The following TBXAS1 variants were observed in gnomAD, a reference collection of about 807,000 sequenced individuals.
The protein encoded by TBXAS1 is thromboxane A synthase 1, also known as thromboxane-A synthase.
A neutral mutation model predicts 60.7 loss-of-function variants in TBXAS1; 48 were observed. That is an observed-to-expected ratio of 0.79 (90% CI 0.63 to 1.01). The LOEUF is 1.01. TBXAS1 is among the 50% of genes least tolerant of loss of function. The pLI is 0.00. For synonymous variants in TBXAS1, 287 were observed against 269.7 expected (o/e 1.06, Z -0.63); for missense variants, 685 against 686.3 (o/e 1.00, Z 0.02).
At chr7:139,791,412 G>A (rs1237464607) in intron 4 of TBXAS1, among the ~76,000 whole-genome samples, 7 of 152,238 alleles carry the variant, frequency 4.6e-5, no homozygotes, top group East Asian at 1.9e-4. Context: ...AGATTTTTAC[G>A]GGCCAGGCCT....
At chr7:139,874,016 C>T (rs1476497543) in intron 2 of TBXAS1, among the ~76,000 whole-genome samples, 1 of 152,158 alleles carries the variant, frequency 6.6e-6, no homozygotes, top group African/African-American at 2.4e-5. Context: ...TCCTTTTCTG[C>T]CCCCACCTTC....
chr7:139,779,989 ACCT>A (rs1210603571), intron 1 of TBXAS1, among the ~76,000 whole-genome samples: 1 of 152,006 alleles, frequency 6.6e-6, no homozygotes, highest in African/African-American at 2.4e-5. Context: ...TGCCTGGCTC[ACCT>A]CCTCCACAAA....
chr7:139,823,899 G>A (rs540217751), intron 4 of TBXAS1, among the ~76,000 whole-genome samples: 6 of 152,298 alleles, frequency 3.9e-5, no homozygotes, highest in African/African-American at 1.4e-4. Context: ...TGGTGCTGAG[G>A]AAGCTCCATT....
intron 4 of TBXAS1, among the ~76,000 whole-genome samples, chr7:139,818,481 G>T (rs1798210542): frequency 6.6e-6 from 1 of 152,102 alleles, no homozygotes; most frequent in Admixed American, 6.5e-5. Context: ...AAAGTGCTAG[G>T]ATTATAGGTA....
At chr7:139,968,977 C>A (rs781125073) in intron 9 of TBXAS1, among the ~76,000 whole-genome samples, 4 of 152,202 alleles carry the variant, frequency 2.6e-5, no homozygotes, top group Non-Finnish European at 4.4e-5. Flanking sequence ...AAACCAACTT[C>A]TTTTCATATA....
chr7:139,798,664 T>G (rs1231976642), intron 4 of TBXAS1, among the ~76,000 whole-genome samples: 5 of 152,298 alleles, frequency 3.3e-5, no homozygotes, highest in Admixed American at 3.3e-4. Context: ...GATAAAGTTG[T>G]CTCATACCAA....
intron 5 of TBXAS1, among the ~76,000 whole-genome samples, chr7:139,936,701 C>G (rs1293341699): frequency 1.3e-5 from 2 of 152,202 alleles, no homozygotes; most frequent in African/African-American, 4.8e-5. Context: ...GCCAGGGTGG[C>G]CTAAGAATCT....
At chr7:139,899,998 T>C (rs866275513) in intron 3 of TBXAS1, among the ~76,000 whole-genome samples, 1 of 152,324 alleles carries the variant, frequency 6.6e-6, no homozygotes, top group African/African-American at 2.4e-5. Context: ...TCCTCATCCA[T>C]TTTCTATGAG....
chr7:139,962,430 C>T (rs559182495), intron 9 of TBXAS1, 197 bp downstream of exon 9: 2 of 632,180 alleles, frequency 3.2e-6, no homozygotes, highest in East Asian at 6.3e-5. Context: ...ATAACCACAA[C>T]AAAAAGACAA....
At chr7:139,973,377 C>A (rs1400418086) in intron 9 of TBXAS1, among the ~76,000 whole-genome samples, 1 of 152,132 alleles carries the variant, frequency 6.6e-6, no homozygotes, top group East Asian at 1.9e-4. Flanking sequence ...CCACTAATAG[C>A]CAATCGCTGG....
chr7:139,815,690 C>T (rs1447146712), intron 4 of TBXAS1, among the ~76,000 whole-genome samples: 1 of 152,156 alleles, frequency 6.6e-6, no homozygotes, highest in Non-Finnish European at 1.5e-5. Context: ...ATAAGGCAGA[C>T]ATTGACTCCA....
At position 139,988,170 on chromosome 7, in the gene TBXAS1, A is replaced by T. The variant is rs143695475; in HGVS notation, c.1135-18921A>T. On this transcript the variant is annotated intron_variant, in intron 9 of 12. Transcript: ENST00000448866. ...GTTTTAGCTTGCTTACTACATTTGA[A>T]TTAATTGCCAAACTTTTAAACTCAG... Among the ~76,000 whole-genome samples, 1,342 of 152,340 alleles carry T rather than the reference A, an allele frequency of 8.8e-3. 65 individuals carry two copies. Among genetic ancestry groups the T allele is most frequent in the Admixed American group, 0.08 (1,229 of 15,308 alleles).
chr7:139,935,118 T>C (rs898763411), intron 4 of TBXAS1, among the ~76,000 whole-genome samples: 2 of 152,214 alleles, frequency 1.3e-5, no homozygotes, highest in African/African-American at 2.4e-5. Context: ...TCAGCCTTAA[T>C]TACCTCTTCA....
intron 3 of TBXAS1, among the ~76,000 whole-genome samples, chr7:139,897,015 G>C (rs1804153228): frequency 6.6e-6 from 1 of 152,174 alleles, no homozygotes; most frequent in Non-Finnish European, 1.5e-5. Context: ...GACAGGGCCT[G>C]AAGCCAGTTG....
At chr7:139,826,076 A>G (rs1254479520), upstream of TBXAS1, among the ~76,000 whole-genome samples, 1 of 152,156 alleles carries the variant, frequency 6.6e-6, no homozygotes, top group Non-Finnish European at 1.5e-5. Flanking sequence ...TGTTATCCAC[A>G]GTCACTGCTC....
intron 3 of TBXAS1, among the ~76,000 whole-genome samples, chr7:139,909,708 T>C (rs551999889): frequency 6.6e-6 from 1 of 152,356 alleles, no homozygotes; most frequent in African/African-American, 2.4e-5. Context: ...TGAAAAGTTC[T>C]TGGTAAATAA....
At chr7:139,941,616 T>C (rs1176695426) in intron 5 of TBXAS1, among the ~76,000 whole-genome samples, 1 of 152,168 alleles carries the variant, frequency 6.6e-6, no homozygotes, top group African/African-American at 2.4e-5. Context: ...CAACTGACTT[T>C]TTGTTGTTGT....
At chr7:139,934,715 T>C (rs1233589310) in intron 4 of TBXAS1, among the ~76,000 whole-genome samples, 1 of 152,196 alleles carries the variant, frequency 6.6e-6, no homozygotes, top group Non-Finnish European at 1.5e-5. Flanking sequence ...TATCCTCACA[T>C]GGTCTTCCCT....
At chr7:139,911,342 A>G (rs1487946624) in intron 4 of TBXAS1, 21 bp downstream of exon 4, 11 of 1,589,000 alleles carry the variant, frequency 6.9e-6, no homozygotes, top group Non-Finnish European at 8.6e-6. Flanking sequence ...TTCTTTCCGC[A>G]TATAGATGGA....
Sources: allele counts gnomAD v4.1 joint callset (sites outside exome capture counted in the v4.1 genomes callset), GRCh38; gene constraint gnomAD v4.1.1; transcripts MANE v1.5; gene names NCBI Gene and HGNC (gene_info 2026-07-23, HGNC 2026-07-21).